The following CHSY1 variants were observed in gnomAD, a reference collection of about 807,000 sequenced individuals.
CHSY1 encodes N-acetylgalactosaminyl-proteoglycan 3-beta-glucuronosyltransferase 1.
In CHSY1, 13 loss-of-function variants were observed where a neutral mutation model predicts 59.8. The observed-to-expected ratio is 0.22, with a 90% CI of 0.14 to 0.35. The LOEUF is 0.35. Among genes scored for constraint, CHSY1 ranks in the 10% least tolerant of loss-of-function variants. The pLI is 1.00. For synonymous variants in CHSY1, 459 were observed against 401.2 expected, an observed-to-expected ratio of 1.14 and a Z score of -1.72; for missense variants, 947 against 1,030.6, an observed-to-expected ratio of 0.92 and a Z score of 1.11.
intron 2 of CHSY1, among the ~76,000 whole-genome samples, chr15:101,185,016 T>C (rs1011494162): frequency 6.6e-6 from 1 of 152,222 alleles, no homozygotes; most frequent in African/African-American, 2.4e-5. Flanking sequence ...AGACACTCTG[T>C]CGCAGGTAAG....
chr15:101,236,649 G>A (rs935299315), intron 1 of CHSY1, among the ~76,000 whole-genome samples: 1 of 151,452 alleles, frequency 6.6e-6, no homozygotes, highest in Non-Finnish European at 1.5e-5. Context: ...GTGAAACCCC[G>A]TCTCTACTAA....
chr15:101,220,619 G>A (rs2038779099), intron 2 of CHSY1, among the ~76,000 whole-genome samples: 1 of 152,122 alleles, frequency 6.6e-6, no homozygotes, highest in South Asian at 2.1e-4. Flanking sequence ...GCCTCTCCAT[G>A]AGCAGAGCAG....
At chr15:101,181,714 G>A (rs1298512150) in intron 2 of CHSY1, among the ~76,000 whole-genome samples, 1 of 152,186 alleles carries the variant, frequency 6.6e-6, no homozygotes, top group East Asian at 1.9e-4. Context: ...GGAGACTTAT[G>A]GCTGAACAGG....
intron 2 of CHSY1, among the ~76,000 whole-genome samples, chr15:101,180,767 C>T (rs1007242389): frequency 2.6e-5 from 4 of 152,188 alleles, no homozygotes; most frequent in African/African-American, 9.7e-5. Context: ...AGATAAAGGC[C>T]CTGCCACAAG....
rs1406179042 is a variant in CHSY1, at chr15:101,251,931, C to A, written c.-475G>T. 6.6e-6 allele frequency: 1 copy of A among 151,346 alleles called. No individual in the cohort carries two copies. The highest frequency in any genetic ancestry group is 1.5e-5 in the Non-Finnish European group (1 of 67,870). 9.4% of individuals were successfully genotyped at this position (151,346 alleles called of 1,614,324 possible). On this transcript the variant is annotated 5_prime_UTR_variant, in exon 1 of 3. Transcript: ENST00000254190. ...GCTGCACATCCTCCGGCTTAGCTCG[C>A]CATTGCAACAGGAGCCCCTCACGTC... is the stretch of plus-strand genomic sequence containing the variant.
At chr15:101,220,009 C>T (rs1220842014) in intron 2 of CHSY1, among the ~76,000 whole-genome samples, 1 of 152,196 alleles carries the variant, frequency 6.6e-6, no homozygotes, top group Non-Finnish European at 1.5e-5. Flanking sequence ...CTGCCTCGGC[C>T]TCCCAAAGTG....
chr15:101,231,146 C>T (rs1314804361), intron 2 of CHSY1, among the ~76,000 whole-genome samples: 2 of 152,008 alleles, frequency 1.3e-5, no homozygotes, highest in Non-Finnish European at 2.9e-5. Flanking sequence ...GGCTCCTCAG[C>T]GTGAGTGAAT....
At chr15:101,231,484 A>T (rs924153278) in intron 2 of CHSY1, among the ~76,000 whole-genome samples, 2 of 152,222 alleles carry the variant, frequency 1.3e-5, no homozygotes, top group African/African-American at 4.8e-5. Flanking sequence ...TGCACTTCTG[A>T]ATTTTGAGCC....
At chr15:101,237,767 T>G (rs1358894602) in intron 1 of CHSY1, among the ~76,000 whole-genome samples, 1 of 152,254 alleles carries the variant, frequency 6.6e-6, no homozygotes, top group African/African-American at 2.4e-5. Flanking sequence ...GTTGTTTGGC[T>G]ATAATAATTC....
At chr15:101,193,228 G>A (rs2038467463) in intron 2 of CHSY1, among the ~76,000 whole-genome samples, 1 of 152,234 alleles carries the variant, frequency 6.6e-6, no homozygotes, top group Admixed American at 6.5e-5. Context: ...CAACAAACAA[G>A]GAGTGTGTCA....
intron 2 of CHSY1, among the ~76,000 whole-genome samples, chr15:101,225,479 T>C (rs759805522): frequency 6.6e-6 from 1 of 152,318 alleles, no homozygotes; most frequent in East Asian, 1.9e-4. Context: ...ATCTCCAGTG[T>C]TGGAGGTGGG....
chr15:101,251,052 G>T, intron 1 of CHSY1, 85 bp downstream of exon 1: 1 of 1,301,450 alleles, frequency 7.7e-7, no homozygotes, highest in Non-Finnish European at 1.1e-6. Context: ...GGAAGCGGGC[G>T]GAGGCGAGAG....
chr15:101,188,018 T>A (rs1397362624), intron 2 of CHSY1: 1 of 985,222 alleles, frequency 1.0e-6, no homozygotes, highest in Non-Finnish European at 1.2e-6. Flanking sequence ...TTAGCAAATG[T>A]CCTTCTTGTC....
intron 1 of CHSY1, among the ~76,000 whole-genome samples, chr15:101,239,645 G>C (rs2038982435): frequency 1.3e-5 from 2 of 152,246 alleles, no homozygotes; most frequent in Non-Finnish European, 2.9e-5. Context: ...GAACAGGAAA[G>C]TGTGGGCTCC....
intron 2 of CHSY1, among the ~76,000 whole-genome samples, chr15:101,209,603 A>C (rs569283816): frequency 1.3e-4 from 20 of 152,366 alleles, no homozygotes; most frequent in South Asian, 1.0e-3. Flanking sequence ...AACAAAAATA[A>C]CAAATAGCAG....
chr15:101,246,543 A>G (rs1401870759), intron 1 of CHSY1, among the ~76,000 whole-genome samples: 1 of 152,208 alleles, frequency 6.6e-6, no homozygotes, highest in Non-Finnish European at 1.5e-5. Flanking sequence ...CTGGCACAAG[A>G]ACAGACAGAA....
At chr15:101,191,648 G>T (rs2038447339) in intron 2 of CHSY1, among the ~76,000 whole-genome samples, 1 of 152,176 alleles carries the variant, frequency 6.6e-6, no homozygotes, top group Non-Finnish European at 1.5e-5. Context: ...GTCCATATTG[G>T]GGGAGACTGT....
At chr15:101,237,100 T>C (rs1458004292) in intron 1 of CHSY1, among the ~76,000 whole-genome samples, 2 of 150,858 alleles carry the variant, frequency 1.3e-5, no homozygotes, top group African/African-American at 4.9e-5. Flanking sequence ...GGCGTGTGCC[T>C]GTAATCCCAG....
At chr15:101,203,058 C>T (rs182533986) in intron 2 of CHSY1, among the ~76,000 whole-genome samples, 92 of 152,268 alleles carry the variant, frequency 6.0e-4, no homozygotes, top group Non-Finnish European at 1.0e-3. Flanking sequence ...GATTCAGTAA[C>T]GGCTATTTTC....
Sources: gnomAD v4.1 joint callset for allele counts (sites outside exome capture counted in the v4.1 genomes callset) on GRCh38, gnomAD v4.1.1 for gene constraint, MANE v1.5 for transcripts, NCBI Gene and HGNC (gene_info 2026-07-23, HGNC 2026-07-21) for gene names.